The following CYP3A4 variants were observed in gnomAD, a reference collection of about 807,000 sequenced individuals.
The protein encoded by CYP3A4 is cytochrome P450 3A4.
In CYP3A4, 41 loss-of-function variants were observed where a neutral mutation model predicts 54.9. The ratio of observed to expected loss-of-function variants is 0.75; its 90% confidence interval spans 0.58 to 0.97. CYP3A4 has a LOEUF of 0.97. Among genes scored for constraint, CYP3A4 ranks in the 50% least tolerant of loss-of-function variants. The pLI, the probability that CYP3A4 is intolerant of heterozygous loss-of-function variation, is 0.00. For synonymous variants in CYP3A4, 179 were observed against 205.2 expected (o/e 0.87, Z 1.09); for missense variants, 510 against 597.3 (o/e 0.85, Z 1.52).
At chr7:99,766,352 T>C in intron 9 of CYP3A4, 25 bp downstream of exon 9, 1 of 1,611,622 alleles carries the variant, frequency 6.2e-7, no homozygotes, top group South Asian at 1.1e-5. Context: ...GCCCCACAAG[T>C]AGCCCTCAGA....
intron 3 of CYP3A4, among the ~76,000 whole-genome samples, chr7:99,775,496 A>G (rs1211939266): frequency 5.3e-5 from 8 of 152,204 alleles, no homozygotes; most frequent in Non-Finnish European, 7.3e-5. Flanking sequence ...AAACAGAAAT[A>G]TAGATCAATG....
chr7:99,773,472 A>C (rs1815684732), intron 3 of CYP3A4, among the ~76,000 whole-genome samples: 1 of 152,234 alleles, frequency 6.6e-6, no homozygotes, highest in African/African-American at 2.4e-5. Flanking sequence ...CAAATGTAAA[A>C]GAAAAGAAAT....
rs1453737217 is a variant in CYP3A4 at position 99,756,990 on chromosome 7, A to T, written c.*1143T>A. The T allele has an allele frequency of 6.6e-6, 1 of 152,184 alleles. No homozygotes were observed. The highest frequency in any genetic ancestry group is 1.5e-5 in the Non-Finnish European group (1 of 68,042). The allele number at this position is 152,184 out of a possible 1,614,324, so 9.4% of individuals were successfully genotyped here. A position where few individuals can be genotyped will look rare whatever the true frequency, so the allele number is the denominator to read the frequency against. ...TATTGCTCAATCAATTGACCAATCG[A>T]CTGTTTTTTATTAAGTGTTCATTGC... On this transcript the variant is annotated 3_prime_UTR_variant, in exon 13 of 13. Transcript: ENST00000651514.
At position 99,767,954 on chromosome 7, in the gene CYP3A4, G is replaced by A. The variant is rs543774692; in HGVS notation, c.670+400C>T. Among the ~76,000 whole-genome samples the A allele has an allele frequency of 1.4e-4, 22 of 152,206 alleles. No individual in the cohort carries two copies. In the East Asian group the frequency reaches 3.3e-3, roughly 23 times the overall value. ...ATGTTCATGCCACAACATAGTAAAC[G>A]AAGAAGGGCAAACTAAGCCTGAAGC... On this transcript the variant is annotated intron_variant, in intron 7 of 12. Coordinates refer to ENST00000651514, the MANE Select transcript of CYP3A4 (RefSeq NM_017460.6).
chr7:99,779,996 T>C lies in CYP3A4; in HGVS notation c.161A>G (p.His54Arg), dbSNP rs779806677. 6 of 1,612,610 alleles carry C rather than the reference T, an allele frequency of 3.7e-6. No homozygotes were observed. The highest frequency in any genetic ancestry group is 1.3e-5 in the African/African-American group (1 of 74,870). Reference protein sequence around the residue: ...LPFLGNILSYHKGFCMFDMEC... With the variant: ...LPFLGNILSYRKGFCMFDMEC... ...AGTGAGCTCAAAAACACTCACCTTA[T>C]GGTAGGACAAAATATTTCCCAAAAA... Residue 54 changes from histidine (H) to arginine (R), a missense_variant, in exon 2 of 13, where the codon CAT becomes CGT. Physicochemically the swap from His to Arg is conservative, Grantham distance 29. Transcript: ENST00000651514.
In CYP3A4 at chr7:99,760,924, A is replaced by G. The variant is rs1397330819; in HGVS notation, c.1311T>C (p.Ser437=). The change falls in exon 12 of 13, where the codon AGT becomes AGC. Residue 437 remains serine (S), a synonymous_variant. Coordinates refer to ENST00000651514, the MANE Select transcript of CYP3A4 (RefSeq NM_017460.6). ...IDPYIYTPFG[S]GPRNCIGMRF... Reference sequence around the variant, plus strand: ...TCATGCCAATGCAGTTTCTGGGTCCACTTCCAAAGGGTGTGTATATGTAAG... The same window carrying G: ...TCATGCCAATGCAGTTTCTGGGTCCGCTTCCAAAGGGTGTGTATATGTAAG... 6.2e-7 allele frequency: 1 copy of G among 1,614,128 alleles called. No homozygotes were observed. The highest frequency in any genetic ancestry group is 8.5e-7 in the Non-Finnish European group (1 of 1,179,982).
chr7:99,763,270 C>A (rs1334414049), intron 10 of CYP3A4, among the ~76,000 whole-genome samples: 1 of 152,174 alleles, frequency 6.6e-6, no homozygotes, highest in East Asian at 1.9e-4. Context: ...AGACGGCTCT[C>A]ACCCCAGGGA....
chr7:99,758,300 T>A, intron 12 of CYP3A4, 72 bp from the exon 13 acceptor site: 1 of 1,525,442 alleles, frequency 6.6e-7, no homozygotes, highest in Non-Finnish European at 9.1e-7. Context: ...TCAAAGTGAG[T>A]GAGACACTCC....
intron 3 of CYP3A4, 80 bp from the exon 4 acceptor site, chr7:99,772,769 G>C: frequency 1.4e-6 from 2 of 1,421,644 alleles, no homozygotes; most frequent in Non-Finnish European, 2.0e-6. Context: ...GCCAGACTTT[G>C]ATCCTGACTT....
At chr7:99,774,769 T>G (rs1815717155) in intron 3 of CYP3A4, among the ~76,000 whole-genome samples, 1 of 152,172 alleles carries the variant, frequency 6.6e-6, no homozygotes, top group Admixed American at 6.5e-5. Flanking sequence ...GCATTCCCTT[T>G]GAAAACCGGC....
At chr7:99,780,114 A>G in intron 1 of CYP3A4, 29 bp from the exon 2 acceptor site, 1 of 1,599,658 alleles carries the variant, frequency 6.3e-7, no homozygotes, top group Non-Finnish European at 8.6e-7. Context: ...ATCAAGTCAC[A>G]GCGATTGTGA....
intron 6 of CYP3A4, 67 bp from the exon 7 acceptor site, chr7:99,768,569 A>G (rs369156780): frequency 1.1e-5 from 18 of 1,611,164 alleles, no homozygotes; most frequent in Admixed American, 1.7e-5. Context: ...TATGCATGCA[A>G]CAGGAAACCC....
At chr7:99,758,351 C>T in intron 12 of CYP3A4, 123 bp from the exon 13 acceptor site, 1 of 1,208,346 alleles carries the variant, frequency 8.3e-7, no homozygotes, top group East Asian at 2.4e-5. Context: ...ATTCTGATCT[C>T]TATGGAGTAA....
In CYP3A4 at chr7:99,762,237, T is replaced by A. The variant is rs1257727040; in HGVS notation, c.1057A>T (p.Met353Leu). The change falls in exon 11 of 13, where the codon ATG becomes TTG. Residue 353 changes from methionine to leucine, a missense_variant. By Grantham distance (15) the Met-to-Leu change is conservative. Around this residue, in one of 2 missense-constraint regions of CYP3A4, gnomAD observed 238 missense variants for 322.5 expected, o/e 0.74. Transcript: ENST00000651514. Reference protein sequence around the residue: ...APPTYDTVLQMEYLDMVVNET... With the variant: ...APPTYDTVLQLEYLDMVVNET... Reference sequence around the variant, plus strand: ...TTCACCACCATGTCAAGATACTCCATCTGTAGCACAGTATCATAGGTGGGT... The same window carrying A: ...TTCACCACCATGTCAAGATACTCCAACTGTAGCACAGTATCATAGGTGGGT... 5.0e-6 allele frequency: 8 copies of A among 1,613,954 alleles called. No homozygotes were observed. The highest frequency in any genetic ancestry group is 2.2e-5 in the South Asian group (2 of 91,074).
intron 3 of CYP3A4, among the ~76,000 whole-genome samples, chr7:99,775,098 A>C (rs1231629135): frequency 6.6e-6 from 1 of 152,170 alleles, no homozygotes; most frequent in Non-Finnish European, 1.5e-5. Flanking sequence ...AATTACTACA[A>C]AGAGAATAAA....
At chr7:99,775,894 A>T (rs1815758378) in intron 3 of CYP3A4, among the ~76,000 whole-genome samples, 1 of 152,250 alleles carries the variant, frequency 6.6e-6, no homozygotes, top group African/African-American at 2.4e-5. Context: ...CTATCATCAG[A>T]GCAAACAGGC....
intron 2 of CYP3A4, 48 bp downstream of exon 2, chr7:99,779,944 G>A (rs767736847): frequency 6.5e-7 from 1 of 1,546,464 alleles, no homozygotes; most frequent in South Asian, 1.1e-5. Flanking sequence ...GAACTAAGCT[G>A]CTCTTGGCAA....
At chr7:99,781,728 T>C (rs1815930655) in intron 1 of CYP3A4, among the ~76,000 whole-genome samples, 1 of 152,304 alleles carries the variant, frequency 6.6e-6, no homozygotes, top group East Asian at 1.9e-4. Context: ...ATCCATATGC[T>C]TCATATGGGC....
chr7:99,777,967 G>A, intron 3 of CYP3A4, 61 bp downstream of exon 3: 2 of 1,328,676 alleles, frequency 1.5e-6, no homozygotes, highest in Non-Finnish European at 2.2e-6. Context: ...TGTCCTCTGT[G>A]CAGTGGGGTA....
Sources: allele counts gnomAD v4.1 joint callset (sites outside exome capture counted in the v4.1 genomes callset), GRCh38; gene constraint gnomAD v4.1.1; regional missense constraint gnomAD v4.1.1; transcripts MANE v1.5; gene names NCBI Gene and HGNC (gene_info 2026-07-23, HGNC 2026-07-21).